The following FZR1 variants were observed in gnomAD, a reference collection of about 807,000 sequenced individuals.
FZR1 encodes the protein fizzy-related protein homolog.
Under a neutral mutation model 63.6 loss-of-function variants are expected in FZR1, and 11 were observed. The ratio of observed to expected loss-of-function variants is 0.17; its 90% CI spans 0.11 to 0.29. FZR1 has a LOEUF of 0.29. FZR1 is among the 10% of genes least tolerant of loss of function. FZR1 has a pLI of 1.00. For synonymous variants in FZR1, 328 were observed against 297.9 expected (o/e 1.10, Z -1.04); for missense variants, 440 against 687.5 (o/e 0.64, Z 4.03).
At chr19:3,524,503 A>C (rs1453430431) in intron 2 of FZR1, among the ~76,000 whole-genome samples, 2 of 152,314 alleles carry the variant, frequency 1.3e-5, no homozygotes, top group African/African-American at 4.8e-5. Flanking sequence ...AACCCTCCAA[A>C]GTGTCAAGGC....
At chr19:3,523,084 C>T (rs370589796) in intron 2 of FZR1, 26 bp downstream of exon 2, 10 of 1,404,002 alleles carry the variant, frequency 7.1e-6, no homozygotes, top group African/African-American at 1.4e-5. Context: ...CTGCCCACCA[C>T]TGTGGCTCCC....
At position 3,526,062 on chromosome 19, in the gene FZR1, C is replaced by T. The variant is rs1231757376; in HGVS notation, c.196-58C>T. 6.2e-7 allele frequency: 1 copy of T among 1,611,368 alleles called. No individual in the cohort carries two copies. Among genetic ancestry groups the T allele is most frequent in the Non-Finnish European group, 8.5e-7 (1 of 1,178,970 alleles). ...CAGGGCCCCTCCCAGCCTCCTTGCT[C>T]TAGGGCCGGGAACAAGCGGGCTCCT... is the stretch of plus-strand genomic sequence containing the variant. On this transcript the variant is annotated intron_variant, in intron 3 of 13. Coordinates refer to ENST00000441788, the MANE Select transcript of FZR1 (RefSeq NM_016263.4). The surrounding 1 kb of genome is among the most constrained non-coding windows in gnomAD (Gnocchi z 5.4).
chr19:3,517,458 G>A (rs1324212094), intron 1 of FZR1, among the ~76,000 whole-genome samples: 2 of 152,112 alleles, frequency 1.3e-5, no homozygotes, highest in Non-Finnish European at 2.9e-5. Flanking sequence ...AAGCTGAGGC[G>A]TGTGGATCAC....
At position 3,531,648 on chromosome 19, in the gene FZR1, G is replaced by A. The variant is rs559378091; in HGVS notation, c.721-66G>A. On this transcript the variant is annotated intron_variant, in intron 8 of 13. Transcript: ENST00000441788. ...GAGGAGAGAGCCTGGCGCGACCAAC[G>A]CCAGGACGGGCACAGTCCCCGGGCC... The A allele has an allele frequency of 6.5e-4, 758 of 1,170,788 alleles. 12 individuals carry two copies. The South Asian group carries it at 9.5e-3, about 15-fold the overall frequency. The allele number at this position is 1,170,788 out of a possible 1,614,324, so 72.5% of individuals were successfully genotyped here.
At chr19:3,511,866 G>A (rs1394360477) in intron 1 of FZR1, among the ~76,000 whole-genome samples, 5 of 152,298 alleles carry the variant, frequency 3.3e-5, no homozygotes, top group South Asian at 2.1e-4. Flanking sequence ...GTGTCTTTGC[G>A]TTTGTAGAGG....
intron 12 of FZR1, 161 bp from the exon 13 acceptor site, chr19:3,534,260 G>T: frequency 2.1e-6 from 1 of 472,906 alleles, no homozygotes. Context: ...CTCCAACCTT[G>T]GTTTCTGCTT....
chr19:3,525,887 C>T lies in FZR1; in HGVS notation c.89C>T (p.Thr30Ile). The change falls in exon 3 of 14, where the codon ACC (threonine) becomes ATC (isoleucine). Residue 30 changes from threonine to isoleucine, a missense_variant. Physicochemically the swap from Thr to Ile is moderately conservative, Grantham distance 89. Around this residue, in one of 5 missense-constraint regions of FZR1, gnomAD observed 200 missense variants for 245.1 expected, o/e 0.82. Coordinates refer to ENST00000441788, the MANE Select transcript of FZR1 (RefSeq NM_016263.4). This position sits in a 1 kb window ranked among gnomAD's most constrained non-coding sequence, Gnocchi z 4.2. ...CTTCAGGTCACAGAGATGCGGCGGA[C>T]CCTGACGCCTGCCAGCTCCCCAGTG... is the stretch of plus-strand genomic sequence containing the variant. ...TMPRVTEMRRTLTPASSPVSS... is the reference protein window; with the variant it reads ...TMPRVTEMRRILTPASSPVSS... The T allele has an allele frequency of 6.2e-7, 1 of 1,611,976 alleles. No individual in the cohort carries two copies. Among genetic ancestry groups the T allele is most frequent in the Non-Finnish European group, 8.5e-7 (1 of 1,179,946 alleles).
intron 1 of FZR1, among the ~76,000 whole-genome samples, chr19:3,510,302 T>C (rs2083015572): frequency 6.6e-6 from 1 of 151,910 alleles, no homozygotes; most frequent in Non-Finnish European, 1.5e-5. Context: ...ACCTGGCTAA[T>C]GTTTGTATTT....
chr19:3,528,054 TGGCCCTCCCAGCCAC>T (rs1354963723), intron 7 of FZR1, among the ~76,000 whole-genome samples: 3 of 133,282 alleles, frequency 2.3e-5, no homozygotes, highest in African/African-American at 8.9e-5. Flanking sequence ...CTCCCAGCCA[TGGCCCTCCCAGCCAC>T]TGCCCTCCCA....
chr19:3,534,040 T>C (rs758047042), intron 12 of FZR1, among the ~76,000 whole-genome samples: 6 of 151,310 alleles, frequency 4.0e-5, no homozygotes, highest in Admixed American at 6.6e-5. Flanking sequence ...CTGGGCAACA[T>C]AGCAAGACCC....
rs1291231125 is a variant in FZR1, at chr19:3,516,407, T to C, written c.-34-6549T>C. Among the ~76,000 whole-genome samples, 1 of 152,330 alleles carries C rather than the reference T, an allele frequency of 6.6e-6. No homozygotes were observed. Among genetic ancestry groups the C allele is most frequent in the East Asian group, 1.9e-4 (1 of 5,190 alleles). On this transcript the variant is annotated intron_variant, in intron 1 of 13. Coordinates refer to ENST00000441788, the MANE Select transcript of FZR1 (RefSeq NM_016263.4). This position sits in a 1 kb window ranked among gnomAD's most constrained non-coding sequence, Gnocchi z 6.0. ...TTTGTCATCTGTTTTTTAACTGTGTTGGTGGTGTGTCTGCCCTGCGGACTC... is the reference window on the plus strand; with the variant it reads ...TTTGTCATCTGTTTTTTAACTGTGTCGGTGGTGTGTCTGCCCTGCGGACTC...
chr19:3,533,609 G>A lies in FZR1; in HGVS notation c.1347+211G>A, dbSNP rs1055524888. On this transcript the variant is annotated intron_variant, in intron 12 of 13. Transcript: ENST00000441788. This position sits in a 1 kb window ranked among gnomAD's most constrained non-coding sequence, Gnocchi z 4.9. ...TACCGAACTCCCCAGCCCTGCAGGT[G>A]CAGGCCCTGTCCTCCTGGAGGACCT... The A allele has an allele frequency of 2.5e-5, 14 of 560,620 alleles. No homozygotes were observed. Among genetic ancestry groups the A allele is most frequent in the African/African-American group, 3.8e-5 (2 of 52,726 alleles). 34.7% of individuals were successfully genotyped at this position (560,620 alleles called of 1,614,324 possible).
chr19:3,522,257 G>A lies in FZR1; in HGVS notation c.-34-699G>A, dbSNP rs566600191. On this transcript the variant is annotated intron_variant, in intron 1 of 13. Coordinates refer to ENST00000441788, the MANE Select transcript of FZR1 (RefSeq NM_016263.4). ...CTTGTACAAACCCCCTTCCTGCCTCGGGCTGTGCATCTCTCTCTGGAACGT... is the reference window on the plus strand; with the variant it reads ...CTTGTACAAACCCCCTTCCTGCCTCAGGCTGTGCATCTCTCTCTGGAACGT... 1.7e-4 allele frequency among the ~76,000 whole-genome samples: 26 copies of A among 152,242 alleles called. 1 individual carries two copies. Among genetic ancestry groups the A allele is most frequent in the African/African-American group, 5.1e-4 (21 of 41,542 alleles).
rs1478930399 is a variant in FZR1, at chr19:3,533,579, G to A, written c.1347+181G>A. On this transcript the variant is annotated intron_variant, in intron 12 of 13. Coordinates refer to ENST00000441788, the MANE Select transcript of FZR1 (RefSeq NM_016263.4). This position sits in a 1 kb window ranked among gnomAD's most constrained non-coding sequence, Gnocchi z 4.9. ...TGGTTGTGTTGCCAGCGTTGGAATG[G>A]GCTCTACCGAACTCCCCAGCCCTGC... 4 of 590,022 alleles carry A rather than the reference G, an allele frequency of 6.8e-6. No homozygotes were observed. The highest frequency in any genetic ancestry group is 1.2e-5 in the Non-Finnish European group (4 of 328,468). The allele number at this position is 590,022 out of a possible 1,614,324, so 36.5% of individuals were successfully genotyped here.
chr19:3,517,195 GC>G (rs896948168), intron 1 of FZR1, among the ~76,000 whole-genome samples: 1 of 152,044 alleles, frequency 6.6e-6, no homozygotes, highest in Non-Finnish European at 1.5e-5. Context: ...TTCGAGACCA[GC>G]CTGGGCAACA....
At position 3,523,011 on chromosome 19, in the gene FZR1, C is replaced by T. The variant is rs2083117572; in HGVS notation, c.22C>T (p.Arg8Cys). 1 of 1,611,432 alleles carries T rather than the reference C, an allele frequency of 6.2e-7. No individual in the cohort carries two copies. The highest frequency in any genetic ancestry group is 8.5e-7 in the Non-Finnish European group (1 of 1,178,644). Residue 8 changes from arginine (R) to cysteine (C), a missense_variant, in exon 2 of 14, where the codon CGC (arginine) becomes TGC (cysteine). Physicochemically the swap from Arg to Cys is radical, Grantham distance 180 (BLOSUM62 -3). Coordinates refer to ENST00000441788, the MANE Select transcript of FZR1 (RefSeq NM_016263.4). ...CGCCATGGACCAGGACTATGAGCGG[C>T]GCCTGCTTCGCCAGATCGTCATCCA... MDQDYER[R>C]LLRQIVIQNE... is the part of the protein sequence containing the mutation.
At chr19:3,530,662 G>T in intron 7 of FZR1, 130 bp from the exon 8 acceptor site, 1 of 679,184 alleles carries the variant, frequency 1.5e-6, no homozygotes. Context: ...CTGTGGATGG[G>T]AGAGTGGATG....
chr19:3,513,066 C>T (rs563407671), intron 1 of FZR1, among the ~76,000 whole-genome samples: 1 of 152,090 alleles, frequency 6.6e-6, no homozygotes, highest in Non-Finnish European at 1.5e-5. Flanking sequence ...GGAGGGGGCT[C>T]TCTGGGAGGG....
rs963686508 is a variant in FZR1 at position 3,507,194 on chromosome 19, C to T, written c.-35+720C>T. Reference sequence around the variant, plus strand: ...CAGCCCCCATTCCCCCGAAATCCAGCTCTCCCACCAAAGCCTCAGACGAGC... The same window carrying T: ...CAGCCCCCATTCCCCCGAAATCCAGTTCTCCCACCAAAGCCTCAGACGAGC... On this transcript the variant is annotated intron_variant, in intron 1 of 13. Transcript: ENST00000441788. 1.9e-4 allele frequency among the ~76,000 whole-genome samples: 28 copies of T among 149,096 alleles called. 1 individual carries two copies. Among genetic ancestry groups the T allele is most frequent in the Admixed American group, 6.7e-5 (1 of 14,822 alleles).
Sources: gnomAD v4.1 joint callset for allele counts (sites outside exome capture counted in the v4.1 genomes callset) on GRCh38, gnomAD v4.1.1 for gene constraint, gnomAD v4.1.1 regional missense constraint, Gnocchi (gnomAD v3.1) non-coding constraint, MANE v1.5 for transcripts, NCBI Gene and HGNC (gene_info 2026-07-23, HGNC 2026-07-21) for gene names.